The following PLEKHG7 variants were observed in gnomAD, a reference collection of about 807,000 sequenced individuals.
PLEKHG7 encodes the protein pleckstrin homology and RhoGEF domain containing G7.
PLEKHG7 carries 77 observed loss-of-function variants against 85.2 expected under a neutral mutation model. The ratio of observed to expected loss-of-function variants is 0.90; its 90% CI spans 0.75 to 1.09. PLEKHG7 has a LOEUF of 1.09. PLEKHG7 is among the 50% of genes least tolerant of loss of function. PLEKHG7 has a pLI of 0.00. For missense variants in PLEKHG7, 777 were observed against 804.3 expected, an observed-to-expected ratio of 0.97 and a Z score of 0.41; for synonymous variants, 301 against 302.4, an observed-to-expected ratio of 1.00 and a Z score of 0.05.
chr12:92,736,380 A>G (rs1872150540), intron 5 of PLEKHG7, 102 bp from the exon 6 acceptor site: 1 of 668,804 alleles, frequency 1.5e-6, no homozygotes, highest in Non-Finnish European at 2.1e-6. Context: ...GCCATCTCTT[A>G]TCATGAATGT....
At chr12:92,763,643 C>G (rs1292683799) in intron 14 of PLEKHG7, among the ~76,000 whole-genome samples, 3 of 151,750 alleles carry the variant, frequency 2.0e-5, no homozygotes, top group Non-Finnish European at 4.4e-5. Context: ...AGTGAGATCC[C>G]ATCTCTACAA....
chr12:92,737,428 T>C lies in PLEKHG7; in HGVS notation c.846T>C (p.Asp282=), dbSNP rs1872190193. 7 of 1,576,908 alleles carry C rather than the reference T, an allele frequency of 4.4e-6. No individual in the cohort carries two copies. The highest frequency in any genetic ancestry group is 6.0e-6 in the Non-Finnish European group (7 of 1,168,762). ...AAACACATCACAAACTCCCGACCGA[T>C]CAATTAGACCTGAAAAAGCAGCAAG... ...VLETHHKLPT[D]QLDLKKQQEA... Residue 282 remains aspartate, a synonymous_variant, in exon 7 of 17, where the codon GAT becomes GAC. Coordinates refer to ENST00000344636, the MANE Select transcript of PLEKHG7 (RefSeq NM_001377329.1).
intron 3 of PLEKHG7, among the ~76,000 whole-genome samples, chr12:92,716,293 C>T (rs755976106): frequency 1.3e-5 from 2 of 152,092 alleles, no homozygotes; most frequent in African/African-American, 4.8e-5. Context: ...GACAGGATTT[C>T]GTCATTGTTG....
intron 3 of PLEKHG7, among the ~76,000 whole-genome samples, chr12:92,716,078 GT>G (rs879791016): frequency 6.0e-5 from 9 of 150,156 alleles, no homozygotes; most frequent in Admixed American, 4.6e-4. Flanking sequence ...TGGTTTTGGG[GT>G]TTTTTTGTTT....
Position 92,745,331 on chromosome 12 carries a change from A to ACTTTTCCC in PLEKHG7, c.1138-147_1138-146insCTTTTCCC, listed in dbSNP as rs1872500110. On this transcript the variant is annotated intron_variant, in intron 9 of 16. Coordinates refer to ENST00000344636, the MANE Select transcript of PLEKHG7 (RefSeq NM_001377329.1). ...ATGTGGAGATTACCTTTGTATTTCC[A>ACTTTTCCC]TGCAGTTGTGGCGCCTGCTTGATCA... 3.7e-3 allele frequency: 2,186 copies of ACTTTTCCC among 586,010 alleles called. 82 individuals are homozygous for ACTTTTCCC. The African/African-American group carries it at 0.039, about 10-fold the overall frequency. 36.3% of individuals were successfully genotyped at this position (586,010 alleles called of 1,614,324 possible).
intron 1 of PLEKHG7, among the ~76,000 whole-genome samples, chr12:92,705,825 T>A (rs536528526): frequency 6.6e-6 from 1 of 152,238 alleles, no homozygotes; most frequent in Admixed American, 6.5e-5. Flanking sequence ...TCAGCTTTTC[T>A]TGAGCATGAG....
rs554116436 is a variant in PLEKHG7 at position 92,740,452 on chromosome 12, T to C, written c.940-401T>C. Among the ~76,000 whole-genome samples the C allele has an allele frequency of 7.7e-4, 117 of 152,324 alleles. 1 individual carries two copies. In the Middle Eastern group the frequency reaches 0.017, roughly 22 times the overall value. ...TACTTTTAATTCCCTGAAAGTAAAG[T>C]ATATTTGGGTCTTTTGCAGAAGAAA... On this transcript the variant is annotated intron_variant, in intron 7 of 16. Transcript: ENST00000344636.
chr12:92,704,267 G>GAA (rs537713805), intron 1 of PLEKHG7, among the ~76,000 whole-genome samples: 1 of 139,466 alleles, frequency 7.2e-6, no homozygotes, highest in Non-Finnish European at 1.6e-5. Context: ...TCTCTAAAAA[G>GAA]AAAAAAAAAA....
chr12:92,752,135 C>T (rs944954662), intron 10 of PLEKHG7, among the ~76,000 whole-genome samples: 8 of 151,738 alleles, frequency 5.3e-5, no homozygotes, highest in African/African-American at 1.9e-4. Flanking sequence ...AGGCAAGAGG[C>T]TAGGAGATAA....
chr12:92,735,315 A>C (rs1326767321), intron 5 of PLEKHG7, among the ~76,000 whole-genome samples: 1 of 152,214 alleles, frequency 6.6e-6, no homozygotes, highest in East Asian at 1.9e-4. Flanking sequence ...AGTCTACAAT[A>C]GGTTTCCTCT....
intron 3 of PLEKHG7, among the ~76,000 whole-genome samples, chr12:92,722,365 G>A (rs1871673488): frequency 6.6e-6 from 1 of 152,274 alleles, no homozygotes; most frequent in East Asian, 1.9e-4. Context: ...CTAGGTCTCT[G>A]CATGGCTACA....
chr12:92,711,223 G>A (rs1871361848), intron 3 of PLEKHG7, among the ~76,000 whole-genome samples: 1 of 152,180 alleles, frequency 6.6e-6, no homozygotes, highest in Non-Finnish European at 1.5e-5. Context: ...TAGTGCTACA[G>A]CTGTCCACTT....
intron 10 of PLEKHG7, among the ~76,000 whole-genome samples, chr12:92,747,224 C>T (rs981998974): frequency 2.7e-5 from 4 of 149,272 alleles, no homozygotes; most frequent in Non-Finnish European, 4.4e-5. Context: ...TTGACATTTC[C>T]CAAAATGAAA....
intron 8 of PLEKHG7, among the ~76,000 whole-genome samples, chr12:92,741,201 A>T (rs948205116): frequency 2.6e-5 from 4 of 152,242 alleles, no homozygotes; most frequent in Admixed American, 6.5e-5. Context: ...GATCTCCATC[A>T]TCTTCATAAA....
rs1873435884 is a variant in PLEKHG7 at position 92,771,660 on chromosome 12, A to G, written c.*1465A>G. 6.6e-6 allele frequency: 1 copy of G among 152,038 alleles called. No homozygotes were observed. Among genetic ancestry groups the G allele is most frequent in the African/African-American group, 2.4e-5 (1 of 41,438 alleles). 9.4% of individuals were successfully genotyped at this position (152,038 alleles called of 1,614,324 possible). On this transcript the variant is annotated 3_prime_UTR_variant, in exon 17 of 17. Coordinates refer to ENST00000344636, the MANE Select transcript of PLEKHG7 (RefSeq NM_001377329.1). ...GAGAATACAATATAGATTATGCAAG[A>G]GAAGATTTTATAAAGAAATTTCTGG...
chr12:92,707,406 G>A (rs369765826), intron 2 of PLEKHG7: 22 of 1,428,034 alleles, frequency 1.5e-5, no homozygotes, highest in Admixed American at 5.8e-5. Flanking sequence ...CAGGCTTACC[G>A]ATGGTCTGTC....
intron 13 of PLEKHG7, among the ~76,000 whole-genome samples, chr12:92,759,486 G>A (rs919818238): frequency 6.6e-6 from 1 of 150,728 alleles, no homozygotes; most frequent in Non-Finnish European, 1.5e-5. Context: ...ACTGAATTGT[G>A]TTCTTCCACA....
At chr12:92,740,830 T>A in intron 7 of PLEKHG7, 23 bp from the exon 8 acceptor site, 2 of 1,472,094 alleles carry the variant, frequency 1.4e-6, no homozygotes, top group South Asian at 1.2e-5. Context: ...GAAATTAATG[T>A]GTATATATTT....
At chr12:92,725,793 G>C (rs939588674) in intron 3 of PLEKHG7, among the ~76,000 whole-genome samples, 13 of 152,054 alleles carry the variant, frequency 8.5e-5, no homozygotes, top group African/African-American at 2.4e-4. Context: ...TTTGGCAAAG[G>C]CTAAAAACGT....
Sources: gnomAD v4.1 joint callset for allele counts (sites outside exome capture counted in the v4.1 genomes callset) on GRCh38, gnomAD v4.1.1 for gene constraint, MANE v1.5 for transcripts, NCBI Gene and HGNC (gene_info 2026-07-23, HGNC 2026-07-21) for gene names.